GLB1: variants seen among roughly 807,000 people sequenced by gnomAD.
GLB1 encodes the protein beta-galactosidase.
A neutral mutation model predicts 74.0 loss-of-function variants in GLB1; 56 were observed. The observed-to-expected ratio is 0.76, with a 90% CI of 0.61 to 0.94. The LOEUF (loss-of-function observed/expected upper bound fraction) is 0.94, where lower values mean the gene tolerates loss of function less well. Ranked by LOEUF, GLB1 falls within the 40% of genes least tolerant of loss-of-function variation. The pLI, the probability that GLB1 is intolerant of heterozygous loss-of-function variation, is 0.00. For missense variants in GLB1, 787 were observed against 845.5 expected (o/e 0.93, Z 0.86); for synonymous variants, 323 against 323.6 (o/e 1.00, Z 0.02).
chr3:32,963,589 TG>T, the GLB1 span, among the ~76,000 whole-genome samples: 1 of 152,126 alleles, frequency 6.6e-6, no homozygotes, highest in Admixed American at 6.6e-5. Context: ...ACATTATTCT[TG>T]GTACTTTTCT....
rs797045010 is a variant in GLB1 at position 33,024,297 on chromosome 3, G to A, written c.1097C>T (p.Pro366Leu). 1.2e-6 allele frequency: 2 copies of A among 1,613,134 alleles called. No homozygotes were observed. The highest frequency in any genetic ancestry group is 1.7e-6 in the Non-Finnish European group (2 of 1,179,932). Reference protein sequence around the residue: ...KFEKVPEGPIPPSTPKFAYGK... With the variant: ...KFEKVPEGPILPSTPKFAYGK... Reference sequence around the variant, plus strand: ...ATATGCAAACTTTGGTGTAGATGGAGGGATAGGACCTTCTGGTACTTTTTC... The same window carrying A: ...ATATGCAAACTTTGGTGTAGATGGAAGGATAGGACCTTCTGGTACTTTTTC... Residue 366 changes from proline to leucine, a missense_variant, in exon 11 of 16, where the codon CCT becomes CTT. Coordinates refer to ENST00000307363, the MANE Select transcript of GLB1 (RefSeq NM_000404.4).
intron 15 of GLB1, among the ~76,000 whole-genome samples, chr3:33,002,610 T>C (rs982490376): frequency 5.3e-5 from 8 of 152,140 alleles, no homozygotes; most frequent in African/African-American, 1.7e-4. Context: ...AATCTCACTA[T>C]GTTGCCTAGG....
At chr3:33,027,200 G>T (rs1342953316) in intron 10 of GLB1, among the ~76,000 whole-genome samples, 1 of 152,242 alleles carries the variant, frequency 6.6e-6, no homozygotes, top group African/African-American at 2.4e-5. Flanking sequence ...CAGAGAAGCT[G>T]TCTGCAGTGC....
the GLB1 span, among the ~76,000 whole-genome samples, chr3:32,965,541 T>A: frequency 6.6e-6 from 1 of 151,968 alleles, no homozygotes; most frequent in African/African-American, 2.4e-5. Flanking sequence ...AGAATAAAAA[T>A]TTGGAAAATT....
intron 15 of GLB1, among the ~76,000 whole-genome samples, chr3:33,011,991 T>C (rs1431709401): frequency 6.6e-6 from 1 of 152,184 alleles, no homozygotes; most frequent in Non-Finnish European, 1.5e-5. Flanking sequence ...GTCTTTATCT[T>C]ATTTGTCCTC....
chr3:32,966,064 G>T, the GLB1 span, among the ~76,000 whole-genome samples: 1 of 152,194 alleles, frequency 6.6e-6, no homozygotes, highest in African/African-American at 2.4e-5. Flanking sequence ...AAGGGAAGGT[G>T]GGGTTGGAGC....
At chr3:32,979,237 A>G in the GLB1 span, among the ~76,000 whole-genome samples, 1 of 152,004 alleles carries the variant, frequency 6.6e-6, no homozygotes, top group African/African-American at 2.4e-5. Flanking sequence ...CGGTCTCCCA[A>G]AGTGCTGGGA....
chr3:33,074,182 TAA>T (rs35849739), intron 1 of GLB1, among the ~76,000 whole-genome samples: 39 of 146,388 alleles, frequency 2.7e-4, no homozygotes, highest in South Asian at 1.8e-3. Context: ...TACCAAAAAT[TAA>T]AAAAAAAAAT....
chr3:33,027,321 C>A (rs1170499060), intron 10 of GLB1, among the ~76,000 whole-genome samples: 1 of 152,264 alleles, frequency 6.6e-6, no homozygotes, highest in Non-Finnish European at 1.5e-5. Flanking sequence ...AGTGGCTCAA[C>A]CCCACGCTTG....
intron 1 of GLB1, among the ~76,000 whole-genome samples, chr3:33,076,429 T>C (rs1461521442): frequency 6.6e-6 from 1 of 152,038 alleles, no homozygotes; most frequent in South Asian, 2.1e-4. Context: ...GCAACTGAAA[T>C]GAAAGAATGA....
chr3:32,999,944 C>G (rs1037108091), intron 15 of GLB1, among the ~76,000 whole-genome samples: 1 of 151,854 alleles, frequency 6.6e-6, no homozygotes, highest in Non-Finnish European at 1.5e-5. Context: ...AGCCACCATG[C>G]CTGGCCTTTT....
chr3:32,974,525 A>C, the GLB1 span, among the ~76,000 whole-genome samples: 1 of 152,148 alleles, frequency 6.6e-6, no homozygotes, highest in Non-Finnish European at 1.5e-5. Flanking sequence ...AAATATCATA[A>C]AAAATTTGCT....
At position 33,068,840 on chromosome 3, in the gene GLB1, T is replaced by C. The variant is rs886058343; in HGVS notation, c.376A>G (p.Ile126Val). The change falls in exon 3 of 16, where the codon ATC (isoleucine) becomes GTC (valine). Residue 126 changes from isoleucine (I) to valine (V), a missense_variant. Transcript: ENST00000307363. ...LLVILRPGPY[I>V]CAEWEMGGLP... ...CTCACCATTTCCCACTCTGCACAGATGTAGGGCCCGGGCCTCAGGATAACC... is the reference window on the plus strand; with the variant it reads ...CTCACCATTTCCCACTCTGCACAGACGTAGGGCCCGGGCCTCAGGATAACC... 1 of 1,614,040 alleles carries C rather than the reference T, an allele frequency of 6.2e-7. No homozygotes were observed. The highest frequency in any genetic ancestry group is 1.1e-5 in the South Asian group (1 of 91,066).
chr3:33,032,616 TCTCA>T (rs1698099147), intron 10 of GLB1, among the ~76,000 whole-genome samples: 2 of 152,156 alleles, frequency 1.3e-5, no homozygotes, highest in Admixed American at 6.5e-5. Context: ...GTGGAGACAG[TCTCA>T]CTATGTTGCC....
rs111625808 is a variant in GLB1 at position 33,094,206 on chromosome 3, C to T, written c.75+2805G>A. The T allele has an allele frequency of 6.6e-5, 104 of 1,584,130 alleles. No individual in the cohort carries two copies. In the African/African-American group the frequency reaches 1.2e-3, roughly 19 times the overall value. On this transcript the variant is annotated intron_variant, in intron 1 of 15. Transcript: ENST00000307363. Reference sequence around the variant, plus strand: ...CCTGAAGATGGCCATTTTCTCTGCTCCTAGTAGGCTCCCCCACCAGTTCTG... The same window carrying T: ...CCTGAAGATGGCCATTTTCTCTGCTTCTAGTAGGCTCCCCCACCAGTTCTG...
At chr3:32,971,080 G>A in the GLB1 span, among the ~76,000 whole-genome samples, 1 of 152,146 alleles carries the variant, frequency 6.6e-6, no homozygotes, top group Non-Finnish European at 1.5e-5. Flanking sequence ...ACCACAAATC[G>A]GATGCCCGGA....
At chr3:32,982,052 G>A in the GLB1 span, among the ~76,000 whole-genome samples, 4 of 152,074 alleles carry the variant, frequency 2.6e-5, no homozygotes, top group East Asian at 5.8e-4. Context: ...GGTGGCTTAC[G>A]CCTGTAATCT....
At chr3:33,094,345 T>C (rs2125587100) in intron 1 of GLB1, 6 of 1,450,806 alleles carry the variant, frequency 4.1e-6, no homozygotes, top group Non-Finnish European at 5.5e-6. Flanking sequence ...GATATTAGAG[T>C]GTCCTTGTAC....
intron 10 of GLB1, chr3:33,034,886 T>C (rs1575432980): frequency 2.2e-6 from 1 of 445,504 alleles, no homozygotes; most frequent in East Asian, 6.4e-5. Flanking sequence ...TGATCAGAGA[T>C]GGTTTGTAAT....
Sources: gnomAD v4.1 joint callset for allele counts (sites outside exome capture counted in the v4.1 genomes callset) on GRCh38, gnomAD v4.1.1 for gene constraint, MANE v1.5 for transcripts, NCBI Gene and HGNC (gene_info 2026-07-23, HGNC 2026-07-21) for gene names.